The following DSCAM variants were observed in gnomAD, a reference collection of about 807,000 sequenced individuals.
DSCAM encodes cell adhesion molecule DSCAM.
Under a neutral mutation model 217.7 loss-of-function variants are expected in DSCAM, and 47 were observed. The observed-to-expected ratio is 0.22, with a 90% confidence interval of 0.17 to 0.28. DSCAM has a LOEUF of 0.28. Among genes scored for constraint, DSCAM ranks in the 10% least tolerant of loss-of-function variants. The pLI is 1.00. For synonymous variants in DSCAM, 1,056 were observed against 1,015.3 expected (o/e 1.04, Z -0.76); for missense variants, 2,080 against 2,618.3 (o/e 0.79, Z 4.49).
At chr21:40,260,336 A>C (rs1276985262) in intron 11 of DSCAM, among the ~76,000 whole-genome samples, 1 of 152,244 alleles carries the variant, frequency 6.6e-6, no homozygotes, top group Non-Finnish European at 1.5e-5. Context: ...GTGGGAAAAC[A>C]GTATATTCAA....
intron 4 of DSCAM, among the ~76,000 whole-genome samples, chr21:40,356,450 T>C (rs1338528504): frequency 2.6e-5 from 4 of 151,946 alleles, no homozygotes; most frequent in Non-Finnish European, 5.9e-5. Flanking sequence ...TATATACAAT[T>C]TTCATTTTTC....
chr21:40,773,984 G>A (rs1185544695), intron 1 of DSCAM, among the ~76,000 whole-genome samples: 2 of 152,188 alleles, frequency 1.3e-5, no homozygotes, highest in African/African-American at 4.8e-5. Context: ...CCCTGAAAAA[G>A]GAAGATATTG....
intron 1 of DSCAM, among the ~76,000 whole-genome samples, chr21:40,767,355 C>T (rs76394844): frequency 0.086 from 13,073 of 152,110 alleles, 645 homozygotes; most frequent in Non-Finnish European, 0.088. Context: ...CAGATCCTGG[C>T]AGTAACTTCG....
In DSCAM at chr21:40,450,585, C is replaced by A. The variant is rs73902627; in HGVS notation, c.509-81340G>T. Among the ~76,000 whole-genome samples, 181 of 152,340 alleles carry A rather than the reference C, an allele frequency of 1.2e-3. 1 individual carries two copies. Among genetic ancestry groups the A allele is most frequent in the African/African-American group, 3.8e-3 (157 of 41,578 alleles). ...ACATTTGATGAATTGCCCATATTCA[C>A]AGCCTACAACATAGGTTTTAATTCA... On this transcript the variant is annotated intron_variant, in intron 3 of 32. Transcript: ENST00000400454.
At chr21:40,158,831 T>G (rs1380168323) in intron 16 of DSCAM, among the ~76,000 whole-genome samples, 1 of 152,216 alleles carries the variant, frequency 6.6e-6, no homozygotes, top group African/African-American at 2.4e-5. Context: ...CAACTTAAAT[T>G]TTTCAAAAGA....
At chr21:40,334,326 C>T (rs1024074202) in intron 8 of DSCAM, among the ~76,000 whole-genome samples, 17 of 152,154 alleles carry the variant, frequency 1.1e-4, no homozygotes, top group African/African-American at 3.6e-4. Flanking sequence ...AATCGCCTTC[C>T]TCAAACGGCT....
chr21:40,540,918 G>C (rs1429145237), intron 3 of DSCAM, among the ~76,000 whole-genome samples: 1 of 151,794 alleles, frequency 6.6e-6, no homozygotes, highest in African/African-American at 2.4e-5. Flanking sequence ...TTTAAAGATG[G>C]GGTTTCGCTG....
At chr21:40,638,726 T>A (rs930658682) in intron 3 of DSCAM, among the ~76,000 whole-genome samples, 1 of 152,148 alleles carries the variant, frequency 6.6e-6, no homozygotes, top group Non-Finnish European at 1.5e-5. Context: ...TGAGCGGTAA[T>A]TACACCCATT....
chr21:40,236,626 T>C (rs1025882492), intron 11 of DSCAM, among the ~76,000 whole-genome samples: 24 of 152,168 alleles, frequency 1.6e-4, no homozygotes, highest in Admixed American at 1.4e-3. Flanking sequence ...CTCTGCTTCA[T>C]AGAAGCCTGG....
At chr21:40,664,238 G>A (rs573274535) in intron 3 of DSCAM, among the ~76,000 whole-genome samples, 1 of 152,328 alleles carries the variant, frequency 6.6e-6, no homozygotes, top group South Asian at 2.1e-4. Context: ...AAGTCTGTAG[G>A]GAGATCTGTA....
In DSCAM at chr21:40,445,392, G is replaced by A. The variant is rs78734722; in HGVS notation, c.509-76147C>T. On this transcript the variant is annotated intron_variant, in intron 3 of 32. Transcript: ENST00000400454. ...TGGAGACTGGTGACTTAAGTGAGTCGTCTCTTTAAATCACATTCTGTTTCC... is the reference window on the plus strand; with the variant it reads ...TGGAGACTGGTGACTTAAGTGAGTCATCTCTTTAAATCACATTCTGTTTCC... Among the ~76,000 whole-genome samples the A allele has an allele frequency of 6.9e-4, 105 of 152,276 alleles. 1 individual carries two copies. The East Asian group carries it at 0.017, about 25-fold the overall frequency.
At chr21:40,798,047 T>A (rs186744746) in intron 1 of DSCAM, among the ~76,000 whole-genome samples, 2 of 152,244 alleles carry the variant, frequency 1.3e-5, no homozygotes, top group Admixed American at 1.3e-4. Flanking sequence ...AATACTATCC[T>A]TATGTTTGTA....
At chr21:40,368,903 G>A (rs921361013) in intron 4 of DSCAM, among the ~76,000 whole-genome samples, 196 bp downstream of exon 4, 1 of 152,190 alleles carries the variant, frequency 6.6e-6, no homozygotes, top group Non-Finnish European at 1.5e-5. Context: ...TTACTGGTTT[G>A]ACAAATGTGA....
At chr21:40,452,064 A>C (rs1433982700) in intron 3 of DSCAM, among the ~76,000 whole-genome samples, 2 of 152,176 alleles carry the variant, frequency 1.3e-5, no homozygotes, top group South Asian at 2.1e-4. Context: ...AATTTCAAAA[A>C]TAATTTTTCC....
intron 3 of DSCAM, among the ~76,000 whole-genome samples, chr21:40,666,403 G>C (rs894593433): frequency 6.6e-6 from 1 of 152,082 alleles, no homozygotes; most frequent in African/African-American, 2.4e-5. Flanking sequence ...ACTTACCCAG[G>C]ATCACATAGC....
intron 11 of DSCAM, among the ~76,000 whole-genome samples, chr21:40,192,823 C>T (rs1380571637): frequency 6.6e-6 from 1 of 152,166 alleles, no homozygotes. Flanking sequence ...CACTCACCCA[C>T]TGATGCACAC....
chr21:40,547,818 G>A (rs1400994139), intron 3 of DSCAM, among the ~76,000 whole-genome samples: 2 of 152,156 alleles, frequency 1.3e-5, no homozygotes, highest in Non-Finnish European at 2.9e-5. Flanking sequence ...GAACGTCTCT[G>A]CCACGTTCCC....
intron 9 of DSCAM, among the ~76,000 whole-genome samples, chr21:40,298,035 C>T (rs1363680793): frequency 6.6e-6 from 1 of 151,082 alleles, no homozygotes; most frequent in African/African-American, 2.4e-5. Flanking sequence ...ATATTAACTG[C>T]TGTAAGAGTG....
At chr21:40,507,595 A>C (rs2076219894) in intron 3 of DSCAM, among the ~76,000 whole-genome samples, 2 of 152,108 alleles carry the variant, frequency 1.3e-5, no homozygotes, top group South Asian at 4.1e-4. Flanking sequence ...GTTTGAGACC[A>C]GCCTGGGGAA....
Sources: allele counts gnomAD v4.1 joint callset (sites outside exome capture counted in the v4.1 genomes callset), GRCh38; gene constraint gnomAD v4.1.1; transcripts MANE v1.5; gene names NCBI Gene and HGNC (gene_info 2026-07-23, HGNC 2026-07-21).